MAST1: variants seen among roughly 807,000 people sequenced by gnomAD.
The protein encoded by MAST1 is microtubule-associated serine/threonine-protein kinase 1.
Under a neutral mutation model 124.6 loss-of-function variants are expected in MAST1, and 40 were observed. The ratio of observed to expected loss-of-function variants is 0.32; its 90% CI spans 0.25 to 0.42. The LOEUF is 0.42. MAST1 is among the 10% of genes least tolerant of loss of function. The probability of loss-of-function intolerance (pLI) is 1.00; values close to 1 mark genes in which losing one functional copy is unlikely to be tolerated. For synonymous variants in MAST1, 938 were observed against 939.4 expected (o/e 1.00, Z 0.03); for missense variants, 1,558 against 2,181.9 (o/e 0.71, Z 5.70).
chr19:12,843,540 G>A lies in MAST1; in HGVS notation c.260G>A (p.Arg87His). ...SFASSRRADGRRWSLASLPSS... is the reference protein window; with the variant it reads ...SFASSRRADGHRWSLASLPSS... Reference sequence around the variant, plus strand: ...TGGCTGGGTTCCAGGGCGGACGGACGCCGGTGGTCTCTGGCCTCGCTCCCT... The same window carrying A: ...TGGCTGGGTTCCAGGGCGGACGGACACCGGTGGTCTCTGGCCTCGCTCCCT... The change falls in exon 4 of 26, where the codon CGC (arginine) becomes CAC (histidine). Residue 87 changes from arginine (R) to histidine (H), a missense_variant. Around this residue, in one of 10 missense-constraint regions of MAST1, gnomAD observed 165 missense variants for 315.3 expected, o/e 0.52. Transcript: ENST00000251472. The surrounding 1 kb of genome is among the most constrained non-coding windows in gnomAD (Gnocchi z 4.9). 1 of 1,613,466 alleles carries A rather than the reference G, an allele frequency of 6.2e-7. No individual in the cohort carries two copies. Among genetic ancestry groups the A allele is most frequent in the Non-Finnish European group, 8.5e-7 (1 of 1,179,822 alleles).
In MAST1 at chr19:12,843,525, C is replaced by T. The variant is rs529492662; in HGVS notation, c.249-4C>T. The stretch of plus-strand genomic sequence containing the variant: ...GGCCTCTGAGCACCTTGGCTGGGTT[C>T]CAGGGCGGACGGACGCCGGTGGTCT... On this transcript the variant is annotated splice_region_variant and splice_polypyrimidine_tract_variant and intron_variant, in intron 3 of 25. Transcript: ENST00000251472. This position sits in a 1 kb window ranked among gnomAD's most constrained non-coding sequence, Gnocchi z 4.9. 1 of 1,613,006 alleles carries T rather than the reference C, an allele frequency of 6.2e-7. No individual in the cohort carries two copies. Among genetic ancestry groups the T allele is most frequent in the Non-Finnish European group, 8.5e-7 (1 of 1,179,624 alleles).
chr19:12,854,407 G>C (rs993553344), intron 10 of MAST1, among the ~76,000 whole-genome samples: 1 of 152,168 alleles, frequency 6.6e-6, no homozygotes, highest in Non-Finnish European at 1.5e-5. Flanking sequence ...ACAGGCGTGA[G>C]CCACATGCCT....
rs978545195 is a variant in MAST1 at position 12,843,308 on chromosome 19, G to A, written c.249-221G>A. On this transcript the variant is annotated intron_variant, in intron 3 of 25. Transcript: ENST00000251472. This position sits in a 1 kb window ranked among gnomAD's most constrained non-coding sequence, Gnocchi z 4.9. ...ACTCTGAATGATAAGAGAGGGGACC[G>A]TGGGGAGGAGAGTGGAGACGGATCC... Among the ~76,000 whole-genome samples, 9 of 152,080 alleles carry A rather than the reference G, an allele frequency of 5.9e-5. 1 individual carries two copies. The highest frequency in any genetic ancestry group is 1.9e-4 in the African/African-American group (8 of 41,406).
intron 4 of MAST1, among the ~76,000 whole-genome samples, chr19:12,845,144 A>T (rs1006331353): frequency 2.0e-5 from 3 of 152,206 alleles, no homozygotes; most frequent in Non-Finnish European, 4.4e-5. Context: ...TCTAGTAAAA[A>T]TACAAAAATG....
At chr19:12,868,017 A>G (rs776801394) in intron 20 of MAST1, 40 bp downstream of exon 20, 13 of 1,508,340 alleles carry the variant, frequency 8.6e-6, no homozygotes, top group South Asian at 1.3e-5. Flanking sequence ...ATCTTCCCCA[A>G]TGTCCTACTG....
At chr19:12,857,219 G>C (rs1970026428) in intron 10 of MAST1, among the ~76,000 whole-genome samples, 1 of 151,990 alleles carries the variant, frequency 6.6e-6, no homozygotes, top group African/African-American at 2.4e-5. Flanking sequence ...GAGTAGCTGG[G>C]ATTACAGGCA....
chr19:12,849,252 G>A (rs1969933247), intron 7 of MAST1, among the ~76,000 whole-genome samples: 1 of 152,124 alleles, frequency 6.6e-6, no homozygotes, highest in African/African-American at 2.4e-5. Context: ...TCCCTTTGCA[G>A]TGGCATGCAC....
At chr19:12,868,980 C>T in intron 21 of MAST1, 86 bp from the exon 22 acceptor site, 1 of 1,538,864 alleles carries the variant, frequency 6.5e-7, no homozygotes, top group South Asian at 1.1e-5. Flanking sequence ...GCTGCTCTGC[C>T]ACTGCCTTGG....
At chr19:12,858,840 G>A (rs1970047304) in intron 12 of MAST1, 101 bp downstream of exon 12, 1 of 1,105,282 alleles carries the variant, frequency 9.0e-7, no homozygotes, top group Non-Finnish European at 1.4e-6. Flanking sequence ...TGATTAGTCG[G>A]CCTGTATGTT....
chr19:12,841,140 TCTC>T lies in MAST1; in HGVS notation c.248+80_248+82del, dbSNP rs1422505859. On this transcript the variant is annotated intron_variant, in intron 3 of 25. Transcript: ENST00000251472. The surrounding 1 kb of genome is among the most constrained non-coding windows in gnomAD (Gnocchi z 4.3). Reference sequence around the variant, plus strand: ...AACCACTGTCTGGGCCGCCATCTGTTCTCCTCCTAATTGCACCCGAGCTGGGGC... The same window carrying T: ...AACCACTGTCTGGGCCGCCATCTGTTCTCCTAATTGCACCCGAGCTGGGGC... 9.1e-5 allele frequency: 71 copies of T among 777,972 alleles called. No homozygotes were observed. Among genetic ancestry groups the T allele is most frequent in the Non-Finnish European group, 1.4e-4 (60 of 438,682 alleles). 48.2% of individuals were successfully genotyped at this position (777,972 alleles called of 1,614,324 possible).
At chr19:12,873,015 CTTGATAGGTGGA>C (rs1409314572) in intron 24 of MAST1, among the ~76,000 whole-genome samples, 1 of 151,242 alleles carries the variant, frequency 6.6e-6, no homozygotes, top group Non-Finnish European at 1.5e-5. Context: ...GAAGTTCTAT[CTTGATAGGTGGA>C]TTGTAGTGGA....
At position 12,860,522 on chromosome 19, in the gene MAST1, G is replaced by A. The variant is rs147507880; in HGVS notation, c.1366+1783G>A. On this transcript the variant is annotated intron_variant, in intron 12 of 25. Coordinates refer to ENST00000251472, the MANE Select transcript of MAST1 (RefSeq NM_014975.3). ...TGCAGTGGCGCTATCTCGGCTCACTGTAACCTCCACCTTCCAGGTTCAAGT... is the reference window on the plus strand; with the variant it reads ...TGCAGTGGCGCTATCTCGGCTCACTATAACCTCCACCTTCCAGGTTCAAGT... 1.2e-4 allele frequency among the ~76,000 whole-genome samples: 17 copies of A among 140,082 alleles called. 1 individual carries two copies. The highest frequency in any genetic ancestry group is 3.1e-4 in the Admixed American group (4 of 12,980). The allele number at this position is 140,082 out of a possible 152,430, so 91.9% of individuals were successfully genotyped here.
Position 12,843,749 on chromosome 19 carries a change from C to A in MAST1, c.327+142C>A. On this transcript the variant is annotated intron_variant, in intron 4 of 25. Coordinates refer to ENST00000251472, the MANE Select transcript of MAST1 (RefSeq NM_014975.3). The surrounding 1 kb of genome is among the most constrained non-coding windows in gnomAD (Gnocchi z 4.9). ...GGCTCAGTGACTCAAGCCTGTAATC[C>A]CAGTACTTTGGGAGGCCAAGACAGA... is the stretch of plus-strand genomic sequence containing the variant. The A allele has an allele frequency of 1.4e-6, 1 of 690,366 alleles. No individual in the cohort carries two copies. The highest frequency in any genetic ancestry group is 2.4e-6 in the Non-Finnish European group (1 of 415,474). 42.8% of individuals were successfully genotyped at this position (690,366 alleles called of 1,614,324 possible).
At chr19:12,845,060 G>T (rs181539153) in intron 4 of MAST1, among the ~76,000 whole-genome samples, 2 of 152,184 alleles carry the variant, frequency 1.3e-5, no homozygotes, top group East Asian at 3.9e-4. Context: ...CTAGCATTTT[G>T]GGAGGCTGAA....
rs1364027536 is a variant in MAST1 at position 12,851,989 on chromosome 19, A to T, written c.830A>T (p.Lys277Met). The change falls in exon 8 of 26, where the codon AAG (lysine) becomes ATG (methionine). Residue 277 changes from lysine to methionine, a missense_variant. This residue lies in a region of MAST1 where 165 missense variants were observed against 315.3 expected (regional missense o/e 0.52). Coordinates refer to ENST00000251472, the MANE Select transcript of MAST1 (RefSeq NM_014975.3). ...EVAFVTQLVK[K>M]LLIIISRPAR... is the part of the protein sequence containing the mutation. Reference sequence around the variant, plus strand: ...GCCTTCGTTACTCAGCTGGTGAAGAAGTTGCTTATTATCATCTCACGCCCT... The same window carrying T: ...GCCTTCGTTACTCAGCTGGTGAAGATGTTGCTTATTATCATCTCACGCCCT... 1 of 1,614,068 alleles carries T rather than the reference A, an allele frequency of 6.2e-7. No homozygotes were observed. The highest frequency in any genetic ancestry group is 2.2e-5 in the East Asian group (1 of 44,862).
At chr19:12,860,743 G>A (rs889162340) in intron 12 of MAST1, among the ~76,000 whole-genome samples, 5 of 151,806 alleles carry the variant, frequency 3.3e-5, no homozygotes, top group South Asian at 2.1e-4. Context: ...CATAGCTTGC[G>A]GCCCATATAT....
chr19:12,864,284 A>G (rs1970121914), intron 12 of MAST1, among the ~76,000 whole-genome samples: 1 of 151,558 alleles, frequency 6.6e-6, no homozygotes, highest in African/African-American at 2.4e-5. Flanking sequence ...AGTCCCAGCT[A>G]CTCAGGAGGC....
chr19:12,856,460 G>T (rs534330503), intron 10 of MAST1, among the ~76,000 whole-genome samples: 1 of 151,694 alleles, frequency 6.6e-6, no homozygotes, highest in Non-Finnish European at 1.5e-5. Flanking sequence ...CCACCACCAC[G>T]CCTGGCTAAG....
chr19:12,843,299 G>C lies in MAST1; in HGVS notation c.249-230G>C, dbSNP rs542292149. 1.1e-4 allele frequency among the ~76,000 whole-genome samples: 17 copies of C among 152,168 alleles called. No individual in the cohort carries two copies. Among genetic ancestry groups the C allele is most frequent in the Non-Finnish European group, 1.2e-4 (8 of 68,000 alleles). On this transcript the variant is annotated intron_variant, in intron 3 of 25. Coordinates refer to ENST00000251472, the MANE Select transcript of MAST1 (RefSeq NM_014975.3). This position sits in a 1 kb window ranked among gnomAD's most constrained non-coding sequence, Gnocchi z 4.9. Reference sequence around the variant, plus strand: ...TCGGTGTCCACTCTGAATGATAAGAGAGGGGACCGTGGGGAGGAGAGTGGA... The same window carrying C: ...TCGGTGTCCACTCTGAATGATAAGACAGGGGACCGTGGGGAGGAGAGTGGA...
Sources: gnomAD v4.1 joint callset for allele counts (sites outside exome capture counted in the v4.1 genomes callset) on GRCh38, gnomAD v4.1.1 for gene constraint, gnomAD v4.1.1 regional missense constraint, Gnocchi (gnomAD v3.1) non-coding constraint, MANE v1.5 for transcripts, NCBI Gene and HGNC (gene_info 2026-07-23, HGNC 2026-07-21) for gene names.